KHDRBS2: variants seen among roughly 807,000 people sequenced by gnomAD.
KHDRBS2 encodes the protein KH RNA binding domain containing, signal transduction associated 2.
KHDRBS2 carries 26 observed loss-of-function variants against 44.3 expected under a neutral mutation model. The ratio of observed to expected loss-of-function variants is 0.59; its 90% CI spans 0.43 to 0.81. KHDRBS2 has a LOEUF of 0.81. Ranked by LOEUF, KHDRBS2 falls within the 40% of genes least tolerant of loss-of-function variation. KHDRBS2 has a pLI of 0.00. For missense variants in KHDRBS2, 476 were observed against 433.1 expected (o/e 1.10, Z -0.88); for synonymous variants, 194 against 151.1 (o/e 1.28, Z -2.08).
rs551159884 is a variant in KHDRBS2 at position 61,863,432 on chromosome 6, A to G, written c.810+31203T>C. Among the ~76,000 whole-genome samples, 242 of 152,176 alleles carry G rather than the reference A, an allele frequency of 1.6e-3. 8 individuals are homozygous for G. The South Asian group carries it at 0.046, about 29-fold the overall frequency. On this transcript the variant is annotated intron_variant, in intron 6 of 8. Coordinates refer to ENST00000281156, the MANE Select transcript of KHDRBS2 (RefSeq NM_152688.4). ...CTTTTTGATGTGAGCATGCAGTACTATACATTTCCTTCTTAACACTGCTTT... is the reference window on the plus strand; with the variant it reads ...CTTTTTGATGTGAGCATGCAGTACTGTACATTTCCTTCTTAACACTGCTTT...
At chr6:62,280,726 A>T (rs1841677107) in intron 1 of KHDRBS2, among the ~76,000 whole-genome samples, 1 of 152,234 alleles carries the variant, frequency 6.6e-6, no homozygotes, top group Non-Finnish European at 1.5e-5. Flanking sequence ...ATTTCTTCAA[A>T]TTATTCACAT....
chr6:62,099,964 T>C (rs1801487551), intron 2 of KHDRBS2, among the ~76,000 whole-genome samples: 1 of 152,242 alleles, frequency 6.6e-6, no homozygotes, highest in Non-Finnish European at 1.5e-5. Flanking sequence ...TATTAGGATA[T>C]AGCTGTCACA....
chr6:62,124,100 T>C (rs547807502), intron 2 of KHDRBS2, among the ~76,000 whole-genome samples: 1 of 152,210 alleles, frequency 6.6e-6, no homozygotes, highest in Non-Finnish European at 1.5e-5. Context: ...TCATCTTACT[T>C]GACTGCTTTG....
intron 6 of KHDRBS2, among the ~76,000 whole-genome samples, chr6:61,819,464 T>C (rs1211295864): frequency 3.3e-5 from 5 of 150,452 alleles, no homozygotes; most frequent in Non-Finnish European, 6.0e-5. Context: ...TTGATACATA[T>C]CTTATCTGTC....
intron 2 of KHDRBS2, among the ~76,000 whole-genome samples, chr6:62,057,084 A>G (rs1487458516): frequency 6.6e-6 from 1 of 151,984 alleles, no homozygotes; most frequent in Non-Finnish European, 1.5e-5. Flanking sequence ...ACAAAGTGAG[A>G]GAAAGTTGGC....
intron 1 of KHDRBS2, among the ~76,000 whole-genome samples, chr6:62,281,602 A>G (rs770764403): frequency 3.3e-5 from 5 of 152,212 alleles, no homozygotes; most frequent in African/African-American, 7.2e-5. Flanking sequence ...CCTGGGCAAC[A>G]GCGCAAGGCT....
chr6:61,673,437 G>A, the KHDRBS2 span, among the ~76,000 whole-genome samples: 1 of 151,408 alleles, frequency 6.6e-6, no homozygotes, highest in Admixed American at 6.6e-5. Context: ...AATTAGGCAG[G>A]AGAAGGAAAT....
chr6:61,912,703 G>A (rs1806269175), intron 4 of KHDRBS2, among the ~76,000 whole-genome samples: 1 of 152,124 alleles, frequency 6.6e-6, no homozygotes, highest in South Asian at 2.1e-4. Context: ...CTCTCTGCAA[G>A]AGCACTACAG....
chr6:61,649,557 G>C, the KHDRBS2 span, among the ~76,000 whole-genome samples: 1 of 152,006 alleles, frequency 6.6e-6, no homozygotes, highest in Non-Finnish European at 1.5e-5. Context: ...TCTCCACTGG[G>C]GTGTCACATA....
At chr6:61,670,796 T>C in the KHDRBS2 span, among the ~76,000 whole-genome samples, 1 of 151,558 alleles carries the variant, frequency 6.6e-6, no homozygotes. Context: ...ATATTAATGT[T>C]AACAGTTGTT....
At chr6:62,058,126 C>T (rs1167717817) in intron 2 of KHDRBS2, among the ~76,000 whole-genome samples, 5 of 151,740 alleles carry the variant, frequency 3.3e-5, no homozygotes, top group African/African-American at 1.2e-4. Context: ...CTAATTCCAT[C>T]AAGTCTGTCC....
chr6:61,556,554 A>C, the KHDRBS2 span, among the ~76,000 whole-genome samples: 178 of 152,300 alleles, frequency 1.2e-3, 1 homozygote, highest in African/African-American at 4.1e-3. Context: ...CCCAAGTCTC[A>C]AAAACCATAG....
intron 7 of KHDRBS2, among the ~76,000 whole-genome samples, chr6:61,697,671 A>G (rs1465791649): frequency 1.3e-5 from 2 of 152,126 alleles, no homozygotes; most frequent in Non-Finnish European, 1.5e-5. Context: ...ACTAAACTGT[A>G]TTTATAATCC....
intron 1 of KHDRBS2, among the ~76,000 whole-genome samples, chr6:62,201,120 A>G (rs1358863926): frequency 2.0e-5 from 3 of 152,138 alleles, no homozygotes; most frequent in Non-Finnish European, 2.9e-5. Flanking sequence ...GCATTAGGAG[A>G]TATACCTAAT....
intron 4 of KHDRBS2, among the ~76,000 whole-genome samples, chr6:61,932,041 A>T (rs1485610467): frequency 6.6e-6 from 1 of 152,148 alleles, no homozygotes; most frequent in East Asian, 1.9e-4. Context: ...TATGTATAAA[A>T]TTTTAAAAAT....
chr6:62,097,830 T>G (rs543043723), intron 2 of KHDRBS2, among the ~76,000 whole-genome samples: 11 of 152,290 alleles, frequency 7.2e-5, no homozygotes, highest in Admixed American at 6.5e-4. Flanking sequence ...TCTGTCCTCC[T>G]TTGTGGTTAG....
chr6:61,843,357 T>C (rs781027692), intron 6 of KHDRBS2, among the ~76,000 whole-genome samples: 63 of 148,424 alleles, frequency 4.2e-4, no homozygotes, highest in Non-Finnish European at 5.6e-4. Flanking sequence ...ATTATTATTA[T>C]TATTATTATT....
At chr6:61,824,364 C>G (rs1232735637) in intron 6 of KHDRBS2, among the ~76,000 whole-genome samples, 1 of 152,018 alleles carries the variant, frequency 6.6e-6, no homozygotes, top group Non-Finnish European at 1.5e-5. Flanking sequence ...TAGCACTCCC[C>G]CTTCATGCTC....
intron 6 of KHDRBS2, among the ~76,000 whole-genome samples, chr6:61,819,269 G>A (rs1789492834): frequency 6.6e-6 from 1 of 151,538 alleles, no homozygotes; most frequent in South Asian, 2.1e-4. Flanking sequence ...AAGGGATTCA[G>A]GAAATAATTT....
Sources: gnomAD v4.1 joint callset for allele counts (sites outside exome capture counted in the v4.1 genomes callset) on GRCh38, gnomAD v4.1.1 for gene constraint, MANE v1.5 for transcripts, NCBI Gene and HGNC (gene_info 2026-07-23, HGNC 2026-07-21) for gene names.